DAB1: variants seen among roughly 807,000 people sequenced by gnomAD.
The protein encoded by DAB1 is DAB adaptor protein 1.
In DAB1, 15 loss-of-function variants were observed where a neutral mutation model predicts 64.6. The ratio of observed to expected loss-of-function variants is 0.23; its 90% confidence interval spans 0.16 to 0.36. The LOEUF is 0.36. Among genes scored for constraint, DAB1 ranks in the 10% least tolerant of loss-of-function variants. DAB1 has a pLI of 1.00. For missense variants in DAB1, 596 were observed against 706.7 expected (o/e 0.84, Z 1.78); for synonymous variants, 235 against 251.9 (o/e 0.93, Z 0.64).
intron 4 of DAB1, among the ~76,000 whole-genome samples, chr1:58,203,726 A>G (rs1254867770): frequency 6.6e-6 from 1 of 152,176 alleles, no homozygotes; most frequent in Non-Finnish European, 1.5e-5. Flanking sequence ...CTGCTATGTC[A>G]TATAACATTG....
intron 7 of DAB1, among the ~76,000 whole-genome samples, chr1:57,606,752 T>C (rs965708280): frequency 1.6e-5 from 2 of 126,298 alleles, no homozygotes; most frequent in Non-Finnish European, 3.2e-5. Flanking sequence ...TATATAAATA[T>C]ATTCTATATA....
intron 7 of DAB1, among the ~76,000 whole-genome samples, chr1:57,439,424 T>TTTTTTTTTTTTTTTTTTTTTTTTTG (rs1558381326): frequency 1.7e-5 from 2 of 117,110 alleles, no homozygotes; most frequent in Non-Finnish European, 3.4e-5. Context: ...TGAGGTTTTT[T>TTTTTTTTTTTTTTTTTTTTTTTTTG]CTTTTTTTTT....
chr1:57,369,792 C>G (rs916252977), intron 1 of DAB1, among the ~76,000 whole-genome samples: 5 of 152,120 alleles, frequency 3.3e-5, no homozygotes, highest in African/African-American at 1.2e-4. Flanking sequence ...AGGCCAGAGA[C>G]CTAGTGCTCA....
At chr1:57,850,208 G>A (rs1448229620) in intron 1 of DAB1, among the ~76,000 whole-genome samples, 1 of 152,176 alleles carries the variant, frequency 6.6e-6, no homozygotes, top group African/African-American at 2.4e-5. Flanking sequence ...TTGGAACAAA[G>A]CCTTCAGATT....
intron 3 of DAB1, among the ~76,000 whole-genome samples, chr1:58,454,418 G>C (rs1030543005): frequency 6.6e-6 from 1 of 152,140 alleles, no homozygotes; most frequent in African/African-American, 2.4e-5. Context: ...GTGAGGTCAG[G>C]AGGCCTCCTA....
chr1:58,256,627 T>C (rs1363306078), intron 4 of DAB1, among the ~76,000 whole-genome samples: 1 of 152,206 alleles, frequency 6.6e-6, no homozygotes, highest in Non-Finnish European at 1.5e-5. Flanking sequence ...CCCAAGGTTC[T>C]CACAATGTTA....
chr1:57,122,270 C>G (rs189573537), intron 4 of DAB1, among the ~76,000 whole-genome samples: 6 of 152,046 alleles, frequency 3.9e-5, no homozygotes, highest in Admixed American at 2.6e-4. Flanking sequence ...TCTTCATATC[C>G]CAGTGCCTGG....
chr1:57,471,583 T>C (rs926292407), intron 7 of DAB1, among the ~76,000 whole-genome samples: 4 of 152,180 alleles, frequency 2.6e-5, no homozygotes, highest in African/African-American at 9.7e-5. Flanking sequence ...GTTCTCATGA[T>C]AGTGAATAAG....
rs548773328 is a variant in DAB1 at position 56,995,844 on chromosome 1, C to T, written c.*2300G>A. The T allele has an allele frequency of 3.3e-5, 5 of 152,336 alleles. No homozygotes were observed. Among genetic ancestry groups the T allele is most frequent in the African/African-American group, 1.2e-4 (5 of 41,574 alleles). 9.4% of individuals were successfully genotyped at this position (152,336 alleles called of 1,614,324 possible). A position where few individuals can be genotyped will look rare whatever the true frequency, so the allele number is the denominator to read the frequency against. On this transcript the variant is annotated 3_prime_UTR_variant, in exon 15 of 15. Transcript: ENST00000371236. ...CAGGCCAACTCTTATGGTCATTCCACCTTTCCCATCTTCCCGTTCATGTGA... is the reference window on the plus strand; with the variant it reads ...CAGGCCAACTCTTATGGTCATTCCATCTTTCCCATCTTCCCGTTCATGTGA...
At chr1:57,370,374 G>A (rs1295603284) in intron 1 of DAB1, among the ~76,000 whole-genome samples, 1 of 152,130 alleles carries the variant, frequency 6.6e-6, no homozygotes, top group Non-Finnish European at 1.5e-5. Context: ...GCCAGTCACC[G>A]ACTTTTTAAA....
chr1:57,692,643 T>G (rs965681369), intron 6 of DAB1, among the ~76,000 whole-genome samples: 2 of 152,172 alleles, frequency 1.3e-5, no homozygotes, highest in African/African-American at 4.8e-5. Flanking sequence ...AGGCATATTC[T>G]TCTTATGTTG....
At chr1:57,791,090 G>A (rs1251783940) in intron 6 of DAB1, among the ~76,000 whole-genome samples, 1 of 152,120 alleles carries the variant, frequency 6.6e-6, no homozygotes, top group Non-Finnish European at 1.5e-5. Context: ...AGGATTCTGT[G>A]AAAAATACAG....
intron 2 of DAB1, among the ~76,000 whole-genome samples, chr1:57,259,827 A>G (rs892342369): frequency 3.3e-5 from 5 of 152,212 alleles, no homozygotes; most frequent in African/African-American, 4.8e-5. Context: ...GAAGACATCA[A>G]GCACTATCTT....
intron 7 of DAB1, among the ~76,000 whole-genome samples, chr1:57,471,012 C>G (rs1176118339): frequency 6.6e-6 from 1 of 152,180 alleles, no homozygotes; most frequent in African/African-American, 2.4e-5. Flanking sequence ...ACCATCAGCA[C>G]AGTTCAAGAC....
At chr1:57,249,657 C>T (rs935643567) in intron 2 of DAB1, among the ~76,000 whole-genome samples, 2 of 152,210 alleles carry the variant, frequency 1.3e-5, no homozygotes, top group African/African-American at 4.8e-5. Flanking sequence ...CAGGCATGAG[C>T]CACCACACCC....
intron 7 of DAB1, among the ~76,000 whole-genome samples, chr1:57,584,007 T>C (rs575646143): frequency 6.6e-6 from 1 of 152,300 alleles, no homozygotes; most frequent in South Asian, 2.1e-4. Flanking sequence ...ATTTGAGTCC[T>C]TGTGGACGAA....
chr1:58,323,429 G>A (rs945743461), intron 4 of DAB1, among the ~76,000 whole-genome samples: 1 of 151,768 alleles, frequency 6.6e-6, no homozygotes, highest in East Asian at 1.9e-4. Context: ...TCTTATCTTC[G>A]TATCTAGGCA....
intron 2 of DAB1, among the ~76,000 whole-genome samples, chr1:57,241,356 T>C (rs577762428): frequency 1.3e-5 from 2 of 152,340 alleles, no homozygotes; most frequent in Admixed American, 6.5e-5. Flanking sequence ...TTTTTCAGTT[T>C]GTCCCTTCCT....
chr1:57,704,580 G>C (rs949128952), intron 6 of DAB1, among the ~76,000 whole-genome samples: 1 of 152,122 alleles, frequency 6.6e-6, no homozygotes, highest in Non-Finnish European at 1.5e-5. Flanking sequence ...TTCTAAACCA[G>C]CAGAATTCAA....
Sources: gnomAD v4.1 joint callset for allele counts (sites outside exome capture counted in the v4.1 genomes callset) on GRCh38, gnomAD v4.1.1 for gene constraint, MANE v1.5 for transcripts, NCBI Gene and HGNC (gene_info 2026-07-23, HGNC 2026-07-21) for gene names.